Variants in TC2N observed in about 807,000 individuals in gnomAD.
The protein encoded by TC2N is tandem C2 domains nuclear protein.
Under a neutral mutation model 61.9 loss-of-function variants are expected in TC2N, and 51 were observed. The observed-to-expected ratio is 0.82, with a 90% CI of 0.66 to 1.04. TC2N has a LOEUF of 1.04. TC2N is among the 50% of genes least tolerant of loss of function. The pLI, the probability that TC2N is intolerant of heterozygous loss-of-function variation, is 0.00. For missense variants in TC2N, 556 were observed against 566.7 expected, an observed-to-expected ratio of 0.98 and a Z score of 0.19; for synonymous variants, 204 against 192.6, an observed-to-expected ratio of 1.06 and a Z score of -0.49.
At chr14:91,806,345 A>T (rs554914643) in intron 3 of TC2N, among the ~76,000 whole-genome samples, 1 of 152,342 alleles carries the variant, frequency 6.6e-6, no homozygotes, top group East Asian at 1.9e-4. Context: ...AGTAACAGGC[A>T]GAGGTTGGAA....
intron 1 of TC2N, among the ~76,000 whole-genome samples, chr14:91,851,462 T>C (rs1888374791): frequency 6.6e-6 from 1 of 152,188 alleles, no homozygotes; most frequent in South Asian, 2.1e-4. Context: ...TCAAGGTGTG[T>C]CTGGTCCCAA....
In TC2N at chr14:91,799,003, C is replaced by G; in HGVS notation, c.623G>C (p.Ser208Thr). The G allele has an allele frequency of 6.3e-7, 1 of 1,597,888 alleles. No homozygotes were observed. Among genetic ancestry groups the G allele is most frequent in the Non-Finnish European group, 8.5e-7 (1 of 1,171,132 alleles). ...SSSSRKNSQGSNRSLDTITLS... is the reference protein window; with the variant it reads ...SSSSRKNSQGTNRSLDTITLS... ...TTATTCCTTACCCAGGCTTCTGTTA[C>G]TCCCCTGAGAATTTTTCCTTGAAGA... is the stretch of plus-strand genomic sequence containing the variant. The change falls in exon 6 of 12, where the codon AGT (serine) becomes ACT (threonine). Residue 208 changes from serine (S) to threonine (T), a missense_variant. Coordinates refer to ENST00000435962, the MANE Select transcript of TC2N (RefSeq NM_001128596.3).
Position 91,787,619 on chromosome 14 carries a change from A to G in TC2N, c.1056T>C (p.His352=), listed in dbSNP as rs762054489. The G allele has an allele frequency of 6.3e-7, 1 of 1,596,924 alleles. No individual in the cohort carries two copies. The highest frequency in any genetic ancestry group is 8.5e-7 in the Non-Finnish European group (1 of 1,169,876). ...AACAAGTCCCCAATTCAAGTTCTGC[A>G]TGGCAAACCTGCATATCAAAAAAGT... is the stretch of plus-strand genomic sequence containing the variant. ...ITPPSKISVC[H]AELELGTCFQ... is the part of the protein sequence containing the mutation. The change falls in exon 10 of 12, where the codon CAT becomes CAC. Residue 352 remains histidine (H), a synonymous_variant. Coordinates refer to ENST00000435962, the MANE Select transcript of TC2N (RefSeq NM_001128596.3).
At chr14:91,840,430 G>C (rs1888142896) in intron 1 of TC2N, among the ~76,000 whole-genome samples, 1 of 152,170 alleles carries the variant, frequency 6.6e-6, no homozygotes, top group Admixed American at 6.5e-5. Flanking sequence ...CTTTAAGTTT[G>C]TCCCAAGTAG....
chr14:91,829,193 C>T lies in TC2N; in HGVS notation c.-56-15368G>A, dbSNP rs1004598007. 4.6e-5 allele frequency among the ~76,000 whole-genome samples: 7 copies of T among 151,908 alleles called. No individual in the cohort carries two copies. In the East Asian group the frequency reaches 1.2e-3, roughly 25 times the overall value. On this transcript the variant is annotated intron_variant, in intron 1 of 11. Coordinates refer to ENST00000435962, the MANE Select transcript of TC2N (RefSeq NM_001128596.3). ...AAATTCATTGAGATTCTTGAATATA[C>T]GGATTGGTGTCTTTCCTCAGTACTG...
chr14:91,811,587 T>C (rs73337873), intron 3 of TC2N, among the ~76,000 whole-genome samples: 10,199 of 152,134 alleles, frequency 0.067, 1,028 homozygotes, highest in African/African-American at 0.22. Context: ...GACTGGGAAG[T>C]ACAACCTGGT....
At chr14:91,846,208 C>T (rs1043443345) in intron 1 of TC2N, among the ~76,000 whole-genome samples, 2 of 152,196 alleles carry the variant, frequency 1.3e-5, no homozygotes, top group Admixed American at 1.3e-4. Context: ...TGCTCTCCAA[C>T]TGCCCTCTAC....
chr14:91,784,203 G>A (rs974903975), intron 11 of TC2N, among the ~76,000 whole-genome samples: 1 of 152,078 alleles, frequency 6.6e-6, no homozygotes, highest in Non-Finnish European at 1.5e-5. Flanking sequence ...ATCATCTCAA[G>A]TAAATTTCCT....
In TC2N at chr14:91,797,859, T is replaced by C. The variant is rs917083456; in HGVS notation, c.781A>G (p.Thr261Ala). Residue 261 changes from threonine to alanine, a missense_variant, in exon 8 of 12, where the codon ACT becomes GCT. Physicochemically the swap from Thr to Ala is moderately conservative, Grantham distance 58. Coordinates refer to ENST00000435962, the MANE Select transcript of TC2N (RefSeq NM_001128596.3). Reference protein sequence around the residue: ...SWPSSYGDTPTVSIKGILTLP... With the variant: ...SWPSSYGDTPAVSIKGILTLP... ...GTAAGTATTCCTTTTATAGAAACAG[T>C]AGGAGTGTCTCCATAACTAGAGGGC... 5 of 1,609,746 alleles carry C rather than the reference T, an allele frequency of 3.1e-6. No homozygotes were observed. Among genetic ancestry groups the C allele is most frequent in the South Asian group, 2.2e-5 (2 of 90,350 alleles).
intron 1 of TC2N, among the ~76,000 whole-genome samples, chr14:91,844,760 CAAAAAAAAA>C (rs34223127): frequency 3.2e-5 from 3 of 92,556 alleles, no homozygotes; most frequent in African/African-American, 1.0e-4. Context: ...GACTCTGTCT[CAAAAAAAAA>C]AAAAAAAAAA....
chr14:91,807,170 A>G (rs1031327149), intron 3 of TC2N, among the ~76,000 whole-genome samples: 1 of 152,220 alleles, frequency 6.6e-6, no homozygotes, highest in Non-Finnish European at 1.5e-5. Flanking sequence ...TGTCCAGGCA[A>G]ACGTTTGCTG....
chr14:91,850,377 A>G (rs978658653), intron 1 of TC2N, among the ~76,000 whole-genome samples: 1 of 152,158 alleles, frequency 6.6e-6, no homozygotes, highest in Non-Finnish European at 1.5e-5. Context: ...AAAAGCATAC[A>G]CTATAAAGCG....
At chr14:91,840,120 C>A (rs772223925) in intron 1 of TC2N, among the ~76,000 whole-genome samples, 1 of 152,190 alleles carries the variant, frequency 6.6e-6, no homozygotes, top group Non-Finnish European at 1.5e-5. Context: ...GCTCACAATA[C>A]GACAAGATGG....
chr14:91,789,429 T>TA lies in TC2N; in HGVS notation c.1048-1803dup, dbSNP rs112943280. On this transcript the variant is annotated intron_variant, in intron 9 of 11. Transcript: ENST00000435962. ...TAACACGGTGAAACCCTGTCTCTAC[T>TA]AAAAAAAAAAAAAGAAGAAGAAAAA... is the stretch of plus-strand genomic sequence containing the variant. Among the ~76,000 whole-genome samples, 255 of 133,750 alleles carry TA rather than the reference T, an allele frequency of 1.9e-3. 1 individual carries two copies. The highest frequency in any genetic ancestry group is 2.9e-3 in the African/African-American group (102 of 35,398). 87.7% of individuals were successfully genotyped at this position (133,750 alleles called of 152,430 possible).
intron 1 of TC2N, among the ~76,000 whole-genome samples, chr14:91,849,513 C>G (rs1034273078): frequency 6.6e-6 from 1 of 152,068 alleles, no homozygotes; most frequent in South Asian, 2.1e-4. Flanking sequence ...CTACTTTTCC[C>G]CTAGTACTAG....
chr14:91,812,127 A>G (rs1254730106), intron 3 of TC2N, 185 bp downstream of exon 3: 2 of 331,470 alleles, frequency 6.0e-6, no homozygotes, highest in Non-Finnish European at 1.1e-5. Context: ...TTATTGTATT[A>G]TGATCAGATT....
chr14:91,844,760 CAAAAAAAAAAAA>C lies in TC2N; in HGVS notation c.-57+22490_-57+22501del, dbSNP rs34223127. ...TGGGCGACAGAGCGAGACTCTGTCT[CAAAAAAAAAAAA>C]AAAAAAAAAAAAAAAGCCACCTTAT... On this transcript the variant is annotated intron_variant, in intron 1 of 11. Transcript: ENST00000435962. Among the ~76,000 whole-genome samples the C allele has an allele frequency of 4.5e-3, 415 of 92,528 alleles. 2 individuals are homozygous for C. Among genetic ancestry groups the C allele is most frequent in the Non-Finnish European group, 6.3e-3 (306 of 48,386 alleles). The allele number at this position is 92,528 out of a possible 152,430, so 60.7% of individuals were successfully genotyped here.
chr14:91,849,428 G>C (rs537888922), intron 1 of TC2N, among the ~76,000 whole-genome samples: 1 of 152,300 alleles, frequency 6.6e-6, no homozygotes, highest in East Asian at 1.9e-4. Flanking sequence ...TGTGCTGAGA[G>C]AAGTAAAGAT....
chr14:91,839,997 TAG>T (rs1433225049), intron 1 of TC2N, among the ~76,000 whole-genome samples: 3 of 152,204 alleles, frequency 2.0e-5, no homozygotes, highest in Non-Finnish European at 4.4e-5. Context: ...TGAGCAGAAA[TAG>T]AGTTTCACTT....
Sources: gnomAD v4.1 joint callset for allele counts (sites outside exome capture counted in the v4.1 genomes callset) on GRCh38, gnomAD v4.1.1 for gene constraint, MANE v1.5 for transcripts, NCBI Gene and HGNC (gene_info 2026-07-23, HGNC 2026-07-21) for gene names.